The following BMPER variants were observed in gnomAD, a reference collection of about 807,000 sequenced individuals.
BMPER encodes BMP-binding endothelial regulator protein.
A neutral mutation model predicts 87.3 loss-of-function variants in BMPER; 45 were observed. The ratio of observed to expected loss-of-function variants is 0.52; its 90% confidence interval spans 0.41 to 0.66. The LOEUF is 0.66. Among genes scored for constraint, BMPER ranks in the 30% least tolerant of loss-of-function variants. The pLI is 0.00. For synonymous variants in BMPER, 326 were observed against 316.2 expected (o/e 1.03, Z -0.33); for missense variants, 784 against 867.5 (o/e 0.90, Z 1.21).
At chr7:33,925,152 C>A (rs1313670127) in intron 2 of BMPER, among the ~76,000 whole-genome samples, 1 of 152,170 alleles carries the variant, frequency 6.6e-6, no homozygotes, top group Non-Finnish European at 1.5e-5. Context: ...TTTGTACCCT[C>A]AATACGTGGG....
intron 6 of BMPER, among the ~76,000 whole-genome samples, chr7:34,022,804 C>A (rs1360611932): frequency 6.6e-6 from 1 of 151,794 alleles, no homozygotes; most frequent in African/African-American, 2.4e-5. Context: ...CTGCAGTGAC[C>A]CGGAGTTTGT....
At chr7:34,085,705 A>G in intron 12 of BMPER, 51 bp from the exon 13 acceptor site, 7 of 1,487,230 alleles carry the variant, frequency 4.7e-6, no homozygotes, top group Non-Finnish European at 6.5e-6. Flanking sequence ...TTTGGGAATT[A>G]TTAGTGCGTT....
At chr7:34,056,237 G>T (rs1028918409) in intron 9 of BMPER, among the ~76,000 whole-genome samples, 2 of 152,146 alleles carry the variant, frequency 1.3e-5, no homozygotes, top group Non-Finnish European at 2.9e-5. Context: ...GGGCCTGTTG[G>T]GGGGTAGGGT....
At chr7:34,078,087 C>T (rs1485312630) in intron 11 of BMPER, among the ~76,000 whole-genome samples, 1 of 152,024 alleles carries the variant, frequency 6.6e-6, no homozygotes, top group African/African-American at 2.4e-5. Flanking sequence ...CTTAGGGCTG[C>T]CCTAAAGTGT....
intron 13 of BMPER, among the ~76,000 whole-genome samples, chr7:34,105,343 C>T (rs563537186): frequency 6.6e-6 from 1 of 152,346 alleles, no homozygotes; most frequent in African/African-American, 2.4e-5. Flanking sequence ...GCCTTCATGT[C>T]CTGCTCTGGA....
intron 2 of BMPER, among the ~76,000 whole-genome samples, chr7:33,911,461 G>A (rs558155718): frequency 1.7e-4 from 26 of 152,208 alleles, no homozygotes; most frequent in Non-Finnish European, 3.4e-4. Flanking sequence ...GCTTCAGAGA[G>A]TCCTTTCAAC....
chr7:34,103,039 T>C (rs58396698), intron 13 of BMPER, among the ~76,000 whole-genome samples: 1,730 of 152,144 alleles, frequency 0.011, 39 homozygotes, highest in African/African-American at 0.039. Flanking sequence ...CTTGGAGAGT[T>C]TGAAAAATAC....
At position 34,000,864 on chromosome 7, in the gene BMPER, C is replaced by G. The variant is rs746325520; in HGVS notation, c.576+26080C>G. On this transcript the variant is annotated intron_variant, in intron 6 of 14. Transcript: ENST00000649409. The stretch of plus-strand genomic sequence containing the variant: ...CCTTTATCATGTCAAGAAAGTTCCT[C>G]TTATTTTTAGTTAGTTGAGTATTTT... Among the ~76,000 whole-genome samples the G allele has an allele frequency of 1.0e-3, 152 of 152,002 alleles. 1 individual carries two copies. In the Middle Eastern group the frequency reaches 0.01, roughly 10 times the overall value.
chr7:34,059,839 T>C lies in BMPER; in HGVS notation c.1032+1676T>C, dbSNP rs73329177. On this transcript the variant is annotated intron_variant, in intron 10 of 14. Transcript: ENST00000649409. The stretch of plus-strand genomic sequence containing the variant: ...TATTCTCTTTTTCCAGATGTAAATG[T>C]TTCTTGTGGAAGAAGGGTTTTATGA... 8.8e-3 allele frequency among the ~76,000 whole-genome samples: 1,338 copies of C among 152,178 alleles called. 15 individuals carry two copies. The highest frequency in any genetic ancestry group is 0.031 in the African/African-American group (1,270 of 41,506).
intron 3 of BMPER, among the ~76,000 whole-genome samples, chr7:33,956,539 T>C (rs1198983903): frequency 6.6e-6 from 1 of 152,090 alleles, no homozygotes; most frequent in Non-Finnish European, 1.5e-5. Context: ...TATACCCAAG[T>C]GTCCCTGCCT....
chr7:33,980,375 A>C lies in BMPER; in HGVS notation c.576+5591A>C, dbSNP rs555327536. ...TTAAATGGAAAGAGGATTCTTTCCTACCACTGAAGCAAAGAATAGTTTATA... is the reference window on the plus strand; with the variant it reads ...TTAAATGGAAAGAGGATTCTTTCCTCCCACTGAAGCAAAGAATAGTTTATA... On this transcript the variant is annotated intron_variant, in intron 6 of 14. Coordinates refer to ENST00000649409, the MANE Select transcript of BMPER (RefSeq NM_001365308.1). Among the ~76,000 whole-genome samples, 42 of 152,348 alleles carry C rather than the reference A, an allele frequency of 2.8e-4. No homozygotes were observed. In the South Asian group the frequency reaches 8.5e-3, roughly 31 times the overall value.
At chr7:34,024,708 A>G (rs540033366) in intron 6 of BMPER, among the ~76,000 whole-genome samples, 2 of 151,818 alleles carry the variant, frequency 1.3e-5, no homozygotes, top group South Asian at 2.1e-4. Flanking sequence ...TTTGCATTTT[A>G]TTCTCCTGAC....
chr7:33,905,732 C>T lies in BMPER; in HGVS notation c.119C>T (p.Ser40Phe), dbSNP rs563027354. 1 of 1,612,900 alleles carries T rather than the reference C, an allele frequency of 6.2e-7. No individual in the cohort carries two copies. Among genetic ancestry groups the T allele is most frequent in the East Asian group, 2.2e-5 (1 of 44,800 alleles). Residue 40 changes from serine (S) to phenylalanine (F), a missense_variant, in exon 1 of 15, where the codon TCC becomes TTC. Transcript: ENST00000649409. ...NCSGVPMSLA[S>F]SFLTGSVAKC... ...TCGGGGGTCCCCATGTCTCTGGCTT[C>T]CTCCTTCTTGACAGGTAGGGGAGGG...
chr7:33,981,527 G>T (rs1267722638), intron 6 of BMPER, among the ~76,000 whole-genome samples: 8 of 152,136 alleles, frequency 5.3e-5, no homozygotes, highest in African/African-American at 1.9e-4. Flanking sequence ...AAAATGATTT[G>T]TAATTAGATA....
chr7:34,031,789 GAGAT>G (rs1787522402), intron 6 of BMPER, among the ~76,000 whole-genome samples: 7 of 150,298 alleles, frequency 4.7e-5, no homozygotes, highest in Admixed American at 3.3e-4. Flanking sequence ...GCATTGTTTA[GAGAT>G]AAAATAACCA....
At chr7:34,129,630 G>GAGAAGGAA (rs1790515320) in intron 13 of BMPER, among the ~76,000 whole-genome samples, 1 of 56,272 alleles carries the variant, frequency 1.8e-5, no homozygotes, top group Non-Finnish European at 3.5e-5. Flanking sequence ...GAGAGAAAGA[G>GAGAAGGAA]AGAAAGAAAG....
chr7:33,974,777 C>T lies in BMPER; in HGVS notation c.569C>T (p.Ser190Phe). 1 of 1,613,962 alleles carries T rather than the reference C, an allele frequency of 6.2e-7. No individual in the cohort carries two copies. The highest frequency in any genetic ancestry group is 1.7e-4 in the Middle Eastern group (1 of 6,060). The change falls in exon 6 of 15, where the codon TCC (serine) becomes TTC (phenylalanine). Residue 190 changes from serine to phenylalanine, a missense_variant. Ser to Phe is a radical substitution (Grantham distance 155). Coordinates refer to ENST00000649409, the MANE Select transcript of BMPER (RefSeq NM_001365308.1). ...QPEGSKCTKC[S>F]CTGGRTQCVR... Reference sequence around the variant, plus strand: ...GAAGGAAGCAAATGTACCAAGTGTTCCTGCACTGTAAGTCCTGCTGTGGAT... The same window carrying T: ...GAAGGAAGCAAATGTACCAAGTGTTTCTGCACTGTAAGTCCTGCTGTGGAT...
intron 3 of BMPER, among the ~76,000 whole-genome samples, chr7:33,946,923 A>G (rs918130359): frequency 3.9e-5 from 6 of 152,234 alleles, no homozygotes; most frequent in African/African-American, 1.4e-4. Flanking sequence ...CGGGCCAGGT[A>G]TTTATAGAAT....
chr7:34,091,356 C>T (rs578157549), intron 13 of BMPER, among the ~76,000 whole-genome samples: 1 of 152,306 alleles, frequency 6.6e-6, no homozygotes, highest in Non-Finnish European at 1.5e-5. Flanking sequence ...TTTTTGTTTA[C>T]ATCTTGTAAT....
Sources: allele counts gnomAD v4.1 joint callset (sites outside exome capture counted in the v4.1 genomes callset), GRCh38; gene constraint gnomAD v4.1.1; transcripts MANE v1.5; gene names NCBI Gene and HGNC (gene_info 2026-07-23, HGNC 2026-07-21).